Variants in SPNS3 observed in about 807,000 individuals in gnomAD.
SPNS3 encodes protein spinster homolog 3.
A neutral mutation model predicts 54.4 loss-of-function variants in SPNS3; 51 were observed. The observed-to-expected ratio is 0.94, with a 90% CI of 0.75 to 1.18. SPNS3 has a LOEUF of 1.18. SPNS3 is among the 50% of genes most tolerant of loss of function. The probability of loss-of-function intolerance (pLI) is 0.00; values close to 1 mark genes in which losing one functional copy is unlikely to be tolerated. For missense variants in SPNS3, 669 were observed against 677.4 expected (o/e 0.99, Z 0.14); for synonymous variants, 309 against 294.7 (o/e 1.05, Z -0.50).
In SPNS3 at chr17:4,459,460, C is replaced by G. The variant is rs188430362; in HGVS notation, c.1113+6255C>G. 2.6e-3 allele frequency among the ~76,000 whole-genome samples: 390 copies of G among 152,184 alleles called. 4 individuals are homozygous for G. The highest frequency in any genetic ancestry group is 7.4e-4 in the Non-Finnish European group (50 of 68,018). On this transcript the variant is annotated intron_variant, in intron 8 of 11. Coordinates refer to ENST00000355530, the MANE Select transcript of SPNS3 (RefSeq NM_182538.5). ...GGTGCGGTGCTTCATACATGTAACCCCAGCACTTTGGGAGGCCGAGGCAGG... is the reference window on the plus strand; with the variant it reads ...GGTGCGGTGCTTCATACATGTAACCGCAGCACTTTGGGAGGCCGAGGCAGG...
At position 4,486,215 on chromosome 17, in the gene SPNS3, C is replaced by A. The variant is rs770388572; in HGVS notation, c.1180-13C>A. ...CACTTGGGGTGCCCCCCTGCTGTGC[C>A]TATGTTTTGCAGTCTGTGGTGGTGC... is the stretch of plus-strand genomic sequence containing the variant. On this transcript the variant is annotated splice_polypyrimidine_tract_variant and intron_variant, in intron 9 of 11. Coordinates refer to ENST00000355530, the MANE Select transcript of SPNS3 (RefSeq NM_182538.5). The surrounding 1 kb of genome is among the most constrained non-coding windows in gnomAD (Gnocchi z 5.5). 1 of 1,528,612 alleles carries A rather than the reference C, an allele frequency of 6.5e-7. No individual in the cohort carries two copies. The highest frequency in any genetic ancestry group is 8.8e-7 in the Non-Finnish European group (1 of 1,140,738). The allele number at this position is 1,528,612 out of a possible 1,614,324, so 94.7% of individuals were successfully genotyped here.
chr17:4,438,862 G>A (rs1314038801), intron 1 of SPNS3, among the ~76,000 whole-genome samples: 1 of 152,200 alleles, frequency 6.6e-6, no homozygotes, highest in Admixed American at 6.5e-5. Flanking sequence ...GCCTCTGGGT[G>A]CACATCTCAC....
chr17:4,477,498 C>G (rs1555532677), intron 8 of SPNS3, among the ~76,000 whole-genome samples: 1 of 152,040 alleles, frequency 6.6e-6, no homozygotes, highest in African/African-American at 2.4e-5. Flanking sequence ...CTTTTTTTCT[C>G]TCTTTCTTCT....
intron 8 of SPNS3, among the ~76,000 whole-genome samples, chr17:4,459,905 G>A (rs1216799260): frequency 1.3e-5 from 2 of 152,142 alleles, no homozygotes; most frequent in South Asian, 2.1e-4. Flanking sequence ...GAGAAGTATT[G>A]TTGGGAAGGA....
intron 2 of SPNS3, among the ~76,000 whole-genome samples, chr17:4,440,831 A>G (rs1237594297): frequency 1.3e-5 from 2 of 152,218 alleles, no homozygotes; most frequent in Non-Finnish European, 1.5e-5. Flanking sequence ...AAGCGCAGGC[A>G]AGGAGCCAAG....
intron 5 of SPNS3, among the ~76,000 whole-genome samples, chr17:4,447,541 C>G (rs1386626590): frequency 6.6e-6 from 1 of 152,204 alleles, no homozygotes; most frequent in African/African-American, 2.4e-5. Context: ...GCGCGCAGAC[C>G]ACTGTGGAGC....
Position 4,457,459 on chromosome 17 carries a change from G to A in SPNS3, c.1113+4254G>A, listed in dbSNP as rs568444089. On this transcript the variant is annotated intron_variant, in intron 8 of 11. Coordinates refer to ENST00000355530, the MANE Select transcript of SPNS3 (RefSeq NM_182538.5). ...GCCTCCAAAGTCTGTGTCCTTCATAGTGCACTGATCCAGAAACAGCGGGGC... is the reference window on the plus strand; with the variant it reads ...GCCTCCAAAGTCTGTGTCCTTCATAATGCACTGATCCAGAAACAGCGGGGC... Among the ~76,000 whole-genome samples, 33 of 152,334 alleles carry A rather than the reference G, an allele frequency of 2.2e-4. No individual in the cohort carries two copies. In the South Asian group the frequency reaches 6.6e-3, roughly 31 times the overall value.
chr17:4,456,519 A>ATATTT (rs1016432087), intron 8 of SPNS3, among the ~76,000 whole-genome samples: 1 of 151,774 alleles, frequency 6.6e-6, no homozygotes, highest in Non-Finnish European at 1.5e-5. Context: ...TTTTCTTTTC[A>ATATTT]TATTTTATTT....
At chr17:4,464,617 G>T (rs1971627744) in intron 8 of SPNS3, among the ~76,000 whole-genome samples, 1 of 152,178 alleles carries the variant, frequency 6.6e-6, no homozygotes, top group Non-Finnish European at 1.5e-5. Context: ...AAGAAAATGG[G>T]AGTGCTACTC....
chr17:4,482,285 C>G (rs569621407), intron 9 of SPNS3: 7 of 152,120 alleles, frequency 4.6e-5, no homozygotes, highest in Non-Finnish European at 1.0e-4. Context: ...GGCTTGGAGA[C>G]GTCATTGTGC....
rs1355106319 is a variant in SPNS3, at chr17:4,458,445, C to CCCG, written c.1113+5242_1113+5243insGCC. Among the ~76,000 whole-genome samples the CCCG allele has an allele frequency of 1.3e-4, 12 of 95,584 alleles. 1 individual carries two copies. The highest frequency in any genetic ancestry group is 2.5e-4 in the Admixed American group (2 of 8,006). The allele number at this position is 95,584 out of a possible 152,430, so 62.7% of individuals were successfully genotyped here. The stretch of plus-strand genomic sequence containing the variant: ...TTCTTTCTTTCCTTCCTCCCTCCCT[C>CCCG]CCTTCTTTCTTCTTTCTTTCTTTCC... On this transcript the variant is annotated intron_variant, in intron 8 of 11. Transcript: ENST00000355530.
At chr17:4,461,730 T>G (rs1971512402) in intron 8 of SPNS3, among the ~76,000 whole-genome samples, 1 of 151,726 alleles carries the variant, frequency 6.6e-6, no homozygotes, top group Admixed American at 6.6e-5. Flanking sequence ...GAAAGAAGAG[T>G]CAGAGGTGAG....
intron 8 of SPNS3, among the ~76,000 whole-genome samples, chr17:4,468,073 AT>A (rs1971731436): frequency 6.6e-6 from 1 of 152,162 alleles, no homozygotes; most frequent in South Asian, 2.1e-4. Flanking sequence ...GGCCTGATTA[AT>A]TTGGGGCCAT....
In SPNS3 at chr17:4,451,263, TTC is replaced by T. The variant is rs201248885; in HGVS notation, c.924-1752_924-1751del. On this transcript the variant is annotated intron_variant, in intron 7 of 11. Transcript: ENST00000355530. ...TTCTTCTTCTTTGTTTTTTTTTTTT[TTC>T]CATTTGAGACAGAGTCTTGCTGTGT... Among the ~76,000 whole-genome samples the T allele has an allele frequency of 1.8e-3, 194 of 109,708 alleles. 1 individual carries two copies. The highest frequency in any genetic ancestry group is 0.014 in the Middle Eastern group (3 of 214). 72.0% of individuals were successfully genotyped at this position (109,708 alleles called of 152,430 possible).
chr17:4,437,169 C>G (rs1326025922), intron 1 of SPNS3, among the ~76,000 whole-genome samples: 2 of 151,940 alleles, frequency 1.3e-5, no homozygotes, highest in African/African-American at 4.8e-5. Flanking sequence ...TCTTATGGGG[C>G]CAGGGTGGTA....
At chr17:4,465,657 G>T (rs901856506) in intron 8 of SPNS3, among the ~76,000 whole-genome samples, 2 of 152,118 alleles carry the variant, frequency 1.3e-5, no homozygotes, top group African/African-American at 4.8e-5. Context: ...AACACAGGAG[G>T]CGGAGGTTAT....
At chr17:4,442,545 A>C (rs1477006233) in intron 2 of SPNS3, among the ~76,000 whole-genome samples, 1 of 152,046 alleles carries the variant, frequency 6.6e-6, no homozygotes, top group Non-Finnish European at 1.5e-5. Flanking sequence ...AAAAAACAAA[A>C]AAAGAGAAGA....
intron 9 of SPNS3, among the ~76,000 whole-genome samples, chr17:4,481,561 A>G (rs545270301): frequency 2.9e-4 from 44 of 152,030 alleles, no homozygotes; most frequent in Non-Finnish European, 5.4e-4. Flanking sequence ...TGGAAACTGC[A>G]GGTGTCTGGG....
chr17:4,465,626 C>A (rs775424544), intron 8 of SPNS3, among the ~76,000 whole-genome samples: 4 of 152,088 alleles, frequency 2.6e-5, no homozygotes, highest in Non-Finnish European at 5.9e-5. Flanking sequence ...ACTTGGAAGG[C>A]TGATGGGGGA....
Sources: allele counts gnomAD v4.1 joint callset (sites outside exome capture counted in the v4.1 genomes callset), GRCh38; gene constraint gnomAD v4.1.1; non-coding constraint Gnocchi (gnomAD v3.1); transcripts MANE v1.5; gene names NCBI Gene and HGNC (gene_info 2026-07-23, HGNC 2026-07-21).